The following XDH variants were observed in gnomAD, a reference collection of about 807,000 sequenced individuals.
The protein encoded by XDH is xanthine dehydrogenase/oxidase.
Under a neutral mutation model 156.1 loss-of-function variants are expected in XDH, and 138 were observed. That is an observed-to-expected ratio of 0.88 (90% CI 0.77 to 1.02). The LOEUF (loss-of-function observed/expected upper bound fraction) is 1.02. XDH is among the 50% of genes least tolerant of loss of function. The pLI, the probability that XDH is intolerant of heterozygous loss-of-function variation, is 0.00. For missense variants in XDH, 1,849 were observed against 1,684.9 expected, an observed-to-expected ratio of 1.10 and a Z score of -1.71; for synonymous variants, 669 against 625.7, an observed-to-expected ratio of 1.07 and a Z score of -1.03.
In XDH at chr2:31,372,345, TGGGGCAGGGGCC is replaced by T; in HGVS notation, c.1727_1738del (p.Arg576_Pro579del). The T allele has an allele frequency of 6.2e-7, 1 of 1,614,138 alleles. No homozygotes were observed. The highest frequency in any genetic ancestry group is 8.5e-7 in the Non-Finnish European group (1 of 1,180,038). On this transcript the variant is annotated inframe_deletion, in exon 17 of 36. Coordinates refer to ENST00000379416, the MANE Select transcript of XDH (RefSeq NM_000379.4). ...AGAGGCCTGCATGTCCGCTGCCAGG[TGGGGCAGGGGCC>T]GGCCCACCATGTCCTCCTCAGACTG... is the stretch of plus-strand genomic sequence containing the variant.
intron 17 of XDH, among the ~76,000 whole-genome samples, chr2:31,371,745 C>G (rs1686077743): frequency 6.6e-6 from 1 of 152,114 alleles, no homozygotes; most frequent in African/African-American, 2.4e-5. Context: ...GTTCACCATT[C>G]CTGGAGGGAT....
intron 8 of XDH, 78 bp downstream of exon 8, chr2:31,387,733 G>T: frequency 1.5e-6 from 2 of 1,329,292 alleles, no homozygotes; most frequent in East Asian, 2.5e-5. Context: ...AAAGTTCCCA[G>T]TGGGTATGAA....
intron 19 of XDH, among the ~76,000 whole-genome samples, 163 bp downstream of exon 19, chr2:31,368,378 G>A (rs1293230692): frequency 1.3e-5 from 2 of 152,156 alleles, no homozygotes; most frequent in Admixed American, 1.3e-4. Flanking sequence ...ATCATAAAGG[G>A]GAAGGTTTCA....
At chr2:31,405,644 C>A (rs1687172408) in intron 2 of XDH, among the ~76,000 whole-genome samples, 1 of 152,202 alleles carries the variant, frequency 6.6e-6, no homozygotes, top group South Asian at 2.1e-4. Flanking sequence ...GACCTTTCTA[C>A]AGGCCCTGGA....
intron 13 of XDH, 49 bp downstream of exon 13, chr2:31,379,818 G>T (rs749199366): frequency 3.2e-6 from 5 of 1,560,106 alleles, no homozygotes; most frequent in Admixed American, 1.7e-5. Context: ...CTAGAGCCTG[G>T]CAATAGGACT....
At chr2:31,352,330 T>A (rs539824892) in intron 24 of XDH, among the ~76,000 whole-genome samples, 1 of 152,176 alleles carries the variant, frequency 6.6e-6, no homozygotes, top group Middle Eastern at 3.2e-3. Flanking sequence ...TCTGGAAAGA[T>A]CAATGGCAGC....
intron 13 of XDH, among the ~76,000 whole-genome samples, chr2:31,378,986 T>A (rs1433507733): frequency 1.3e-5 from 2 of 152,280 alleles, no homozygotes; most frequent in East Asian, 3.9e-4. Context: ...TAATTAGCAT[T>A]CTCATTAAGG....
intron 16 of XDH, among the ~76,000 whole-genome samples, chr2:31,373,119 G>A (rs45480204): frequency 2.0e-5 from 3 of 152,142 alleles, no homozygotes; most frequent in African/African-American, 7.2e-5. Flanking sequence ...TATGAAACAG[G>A]TATGTGATTA....
chr2:31,361,983 G>A (rs576429996), intron 24 of XDH, among the ~76,000 whole-genome samples: 2 of 152,054 alleles, frequency 1.3e-5, no homozygotes, highest in African/African-American at 2.4e-5. Flanking sequence ...GCTAGATATA[G>A]AAATTCTACT....
rs377646811 is a variant in XDH, at chr2:31,339,669, C to G, written c.3594G>C (p.Gly1198=). The change falls in exon 34 of 36, where the codon GGG becomes GGC. Residue 1198 remains glycine, a synonymous_variant. Transcript: ENST00000379416. ...AGAGGCCAAGGCCCTGGACAAATGCCCCTTCCACCTGCAGGATGGATGGAG... is the reference window on the plus strand; with the variant it reads ...AGAGGCCAAGGCCCTGGACAAATGCGCCTTCCACCTGCAGGATGGATGGAG... ...NPAIDIGQVE[G]AFVQGLGLFT... 1.2e-6 allele frequency: 2 copies of G among 1,613,980 alleles called. No homozygotes were observed. Among genetic ancestry groups the G allele is most frequent in the African/African-American group, 2.7e-5 (2 of 74,934 alleles).
At chr2:31,365,878 C>T in intron 22 of XDH, 98 bp downstream of exon 22, 1 of 1,582,726 alleles carries the variant, frequency 6.3e-7, no homozygotes, top group Non-Finnish European at 8.6e-7. Flanking sequence ...CAGGGGGAAA[C>T]TAATTCTAAC....
intron 9 of XDH, among the ~76,000 whole-genome samples, chr2:31,385,288 A>G (rs1686557602): frequency 6.6e-6 from 1 of 152,212 alleles, no homozygotes; most frequent in African/African-American, 2.4e-5. Flanking sequence ...CTGTTGAGCC[A>G]TGGCCATCAA....
At chr2:31,385,456 T>C (rs1686562461) in intron 9 of XDH, among the ~76,000 whole-genome samples, 1 of 152,206 alleles carries the variant, frequency 6.6e-6, no homozygotes, top group Non-Finnish European at 1.5e-5. Flanking sequence ...TCTCTGTGGC[T>C]GAGGAGCCAA....
intron 28 of XDH, 111 bp downstream of exon 28, chr2:31,348,157 G>A: frequency 1.9e-6 from 2 of 1,079,548 alleles, no homozygotes; most frequent in Non-Finnish European, 2.8e-6. Flanking sequence ...ATAAGCAACA[G>A]GGCCAGGGCC....
intron 6 of XDH, among the ~76,000 whole-genome samples, chr2:31,390,904 C>T (rs1686742958): frequency 6.6e-6 from 1 of 152,160 alleles, no homozygotes; most frequent in Non-Finnish European, 1.5e-5. Context: ...TGGATAAGTA[C>T]TTTACAAGAT....
intron 13 of XDH, among the ~76,000 whole-genome samples, chr2:31,378,490 C>T (rs1686339628): frequency 6.6e-6 from 1 of 152,132 alleles, no homozygotes; most frequent in African/African-American, 2.4e-5. Flanking sequence ...ACAGTTGAGG[C>T]CCCCAAATGG....
chr2:31,373,613 G>A lies in XDH; in HGVS notation c.1686+260C>T, dbSNP rs186742078. Among the ~76,000 whole-genome samples, 70 of 150,584 alleles carry A rather than the reference G, an allele frequency of 4.6e-4. 1 individual carries two copies. The highest frequency in any genetic ancestry group is 4.1e-3 in the Admixed American group (62 of 15,134). On this transcript the variant is annotated intron_variant, in intron 16 of 35. Coordinates refer to ENST00000379416, the MANE Select transcript of XDH (RefSeq NM_000379.4). ...TCTGGCTTTGTACATTATCCATCAC[G>A]TAAAAAAAAAAAATCTGTAAGGAAG...
At chr2:31,370,315 C>T in intron 18 of XDH, 40 bp downstream of exon 18, 1 of 1,608,428 alleles carries the variant, frequency 6.2e-7, no homozygotes, top group Non-Finnish European at 8.5e-7. Flanking sequence ...AACTTCAATA[C>T]TTATTCAATT....
chr2:31,405,402 C>G (rs1453396265), intron 2 of XDH, among the ~76,000 whole-genome samples: 1 of 152,180 alleles, frequency 6.6e-6, no homozygotes, highest in Non-Finnish European at 1.5e-5. Context: ...AAGGAGTCCC[C>G]CCACCCTCCA....
Sources: allele counts gnomAD v4.1 joint callset (sites outside exome capture counted in the v4.1 genomes callset), GRCh38; gene constraint gnomAD v4.1.1; transcripts MANE v1.5; gene names NCBI Gene and HGNC (gene_info 2026-07-23, HGNC 2026-07-21).